Variants in CPLANE1 observed in about 807,000 individuals in gnomAD.
CPLANE1 encodes ciliogenesis and planar polarity effector complex subunit 1.
CPLANE1 carries 263 observed loss-of-function variants against 362.5 expected under a neutral mutation model. The ratio of observed to expected loss-of-function variants is 0.73; its 90% confidence interval spans 0.66 to 0.80. The LOEUF is 0.80. Among genes scored for constraint, CPLANE1 ranks in the 30% least tolerant of loss-of-function variants. The probability of loss-of-function intolerance (pLI) is 0.00; values close to 1 mark genes in which losing one functional copy is unlikely to be tolerated. For missense variants in CPLANE1, 3,461 were observed against 3,793.4 expected (o/e 0.91, Z 2.30); for synonymous variants, 1,212 against 1,302.6 (o/e 0.93, Z 1.50).
intron 7 of CPLANE1, 133 bp downstream of exon 7, chr5:37,239,580 C>CAAA (rs10591482): frequency 1.4e-3 from 430 of 303,876 alleles, no homozygotes; most frequent in South Asian, 1.7e-3. Context: ...GAGACCCTGT[C>CAAA]AAAAAAAAAA....
intron 38 of CPLANE1, among the ~76,000 whole-genome samples, chr5:37,159,005 C>T (rs1377514931): frequency 2.7e-5 from 4 of 150,682 alleles, no homozygotes; most frequent in East Asian, 3.9e-4. Context: ...AGGATGGTCT[C>T]GATCTCCTGA....
rs1401668840 is a variant in CPLANE1, at chr5:37,226,673, T to G, written c.1922A>C (p.His641Pro). The stretch of plus-strand genomic sequence containing the variant: ...CCAATAATGGATTGATAAACACTGA[T>G]GAAAAAGTTGAAAGATACAAAGTAT... ...AWILCIFQLF[H>P]QCLSIHYWDI... Residue 641 changes from histidine to proline, a missense_variant, in exon 12 of 53, where the codon CAT becomes CCT. Around this residue, in one of 2 missense-constraint regions of CPLANE1, gnomAD observed 3,380 missense variants for 3,666.1 expected, o/e 0.92. Transcript: ENST00000651892. 7 of 1,550,928 alleles carry G rather than the reference T, an allele frequency of 4.5e-6. No homozygotes were observed. The highest frequency in any genetic ancestry group is 6.1e-6 in the Non-Finnish European group (7 of 1,146,752).
chr5:37,119,450 C>G (rs1761999941), intron 50 of CPLANE1, among the ~76,000 whole-genome samples: 1 of 151,800 alleles, frequency 6.6e-6, no homozygotes, highest in Admixed American at 6.6e-5. Context: ...GTGGGCAGAT[C>G]ACCTGAGGTC....
intron 50 of CPLANE1, among the ~76,000 whole-genome samples, chr5:37,116,994 C>T (rs753439699): frequency 6.6e-6 from 1 of 152,192 alleles, no homozygotes; most frequent in South Asian, 2.1e-4. Flanking sequence ...AGGGGAGCCA[C>T]AGCCTGTTCT....
intron 8 of CPLANE1, among the ~76,000 whole-genome samples, chr5:37,235,468 A>C (rs1798751784): frequency 6.6e-6 from 1 of 151,966 alleles, no homozygotes; most frequent in Admixed American, 6.6e-5. Flanking sequence ...CTATCAAATT[A>C]CCAGCGCCAT....
chr5:37,166,908 A>T (rs954618482), intron 35 of CPLANE1, 139 bp downstream of exon 35: 1 of 641,724 alleles, frequency 1.6e-6, no homozygotes, highest in African/African-American at 1.9e-5. Context: ...ATGTTTTCAG[A>T]TGCATGACAC....
Position 37,186,274 on chromosome 5 carries a change from A to G in CPLANE1, c.4189+12T>C. On this transcript the variant is annotated intron_variant, in intron 24 of 52. Coordinates refer to ENST00000651892, the MANE Select transcript of CPLANE1 (RefSeq NM_001384732.1). Reference sequence around the variant, plus strand: ...TTTATCTGTTAGCTATCTGAGAAACAACAAATAATACCTTTCACAACACAG... The same window carrying G: ...TTTATCTGTTAGCTATCTGAGAAACGACAAATAATACCTTTCACAACACAG... 7.8e-7 allele frequency: 1 copy of G among 1,285,070 alleles called. No individual in the cohort carries two copies. 79.6% of individuals were successfully genotyped at this position (1,285,070 alleles called of 1,614,324 possible). A position where few individuals can be genotyped will look rare whatever the true frequency, so the allele number is the denominator to read the frequency against.
chr5:37,211,653 C>G (rs1445108387), intron 16 of CPLANE1: 4 of 804,488 alleles, frequency 5.0e-6, no homozygotes, highest in Non-Finnish European at 9.1e-6. Flanking sequence ...CATTGCTTCC[C>G]CCAGTCCTTA....
At chr5:37,238,730 C>T (rs901465924) in intron 8 of CPLANE1, 127 bp downstream of exon 8, 16 of 456,944 alleles carry the variant, frequency 3.5e-5, no homozygotes, top group African/African-American at 2.8e-4. Context: ...AACTCCTGAG[C>T]TCAAGTGATC....
At chr5:37,156,528 C>T (rs969960257) in intron 41 of CPLANE1, among the ~76,000 whole-genome samples, 2 of 151,942 alleles carry the variant, frequency 1.3e-5, no homozygotes, top group Non-Finnish European at 2.9e-5. Flanking sequence ...TCCCTTGAGC[C>T]CAGGAGTTCA....
At chr5:37,121,300 T>A (rs565545336) in intron 49 of CPLANE1, among the ~76,000 whole-genome samples, 2 of 152,280 alleles carry the variant, frequency 1.3e-5, no homozygotes, top group African/African-American at 4.8e-5. Context: ...GATGAGCAGT[T>A]AGAAGGCAAA....
chr5:37,208,688 A>AG (rs1491149649), intron 16 of CPLANE1, among the ~76,000 whole-genome samples: 4 of 50,150 alleles, frequency 8.0e-5, no homozygotes, highest in African/African-American at 4.2e-4. Flanking sequence ...CCCCCCCCCC[A>AG]AAAAAAAAAA....
At chr5:37,116,442 C>T (rs748144508) in intron 50 of CPLANE1, among the ~76,000 whole-genome samples, 8 of 139,542 alleles carry the variant, frequency 5.7e-5, no homozygotes, top group Admixed American at 1.6e-4. Flanking sequence ...GGTGAGATCA[C>T]GCCACTGCAC....
In CPLANE1 at chr5:37,177,701, C is replaced by T; in HGVS notation, c.5821-1G>A. The stretch of plus-strand genomic sequence containing the variant: ...GACACTGAACCTCTTCTGTGAACTC[C>T]TGTTAAAATGAATAGTACCCAAAAA... On this transcript the variant is annotated splice_acceptor_variant, in intron 29 of 52. Transcript: ENST00000651892. LOFTEE classifies it high-confidence loss of function. 6.2e-7 allele frequency: 1 copy of T among 1,610,924 alleles called. No individual in the cohort carries two copies. Among genetic ancestry groups the T allele is most frequent in the Non-Finnish European group, 8.5e-7 (1 of 1,177,774 alleles).
chr5:37,237,718 C>T (rs1420330762), intron 8 of CPLANE1, among the ~76,000 whole-genome samples: 1 of 152,162 alleles, frequency 6.6e-6, no homozygotes, highest in African/African-American at 2.4e-5. Context: ...GGCATGGTGA[C>T]GGGCGCCTTT....
At chr5:37,136,185 C>T (rs776008247) in intron 46 of CPLANE1, among the ~76,000 whole-genome samples, 3 of 152,182 alleles carry the variant, frequency 2.0e-5, no homozygotes, top group Non-Finnish European at 2.9e-5. Context: ...TTAGTTACTT[C>T]CTAGATACAA....
At chr5:37,090,617 CCT>C in the CPLANE1 span, among the ~76,000 whole-genome samples, 1 of 152,166 alleles carries the variant, frequency 6.6e-6, no homozygotes, top group African/African-American at 2.4e-5. Context: ...CTCCCCCATA[CCT>C]AATGCTTTAA....
At chr5:37,126,102 G>C (rs940278083) in intron 46 of CPLANE1, among the ~76,000 whole-genome samples, 9 of 152,274 alleles carry the variant, frequency 5.9e-5, no homozygotes, top group African/African-American at 2.2e-4. Flanking sequence ...AGGTTGAATG[G>C]CACATGCCTG....
At chr5:37,076,175 G>T in the CPLANE1 span, among the ~76,000 whole-genome samples, 1 of 151,254 alleles carries the variant, frequency 6.6e-6, no homozygotes, top group South Asian at 2.1e-4. Context: ...AGGATCACTT[G>T]AACAAGAGGT....
Sources: gnomAD v4.1 joint callset for allele counts (sites outside exome capture counted in the v4.1 genomes callset) on GRCh38, gnomAD v4.1.1 for gene constraint, gnomAD v4.1.1 regional missense constraint, MANE v1.5 for transcripts, NCBI Gene and HGNC (gene_info 2026-07-23, HGNC 2026-07-21) for gene names.